The following DLG2 variants were observed in gnomAD, a reference collection of about 807,000 sequenced individuals.
DLG2 encodes disks large homolog 2.
A neutral mutation model predicts 132.5 loss-of-function variants in DLG2; 45 were observed. The observed-to-expected ratio is 0.34, with a 90% CI of 0.27 to 0.44. The LOEUF is 0.44. Among genes scored for constraint, DLG2 ranks in the 20% least tolerant of loss-of-function variants. DLG2 has a pLI of 1.00. For missense variants in DLG2, 1,045 were observed against 1,196.9 expected, an observed-to-expected ratio of 0.87 and a Z score of 1.87; for synonymous variants, 424 against 419.6, an observed-to-expected ratio of 1.01 and a Z score of -0.13.
intron 3 of DLG2, among the ~76,000 whole-genome samples, chr11:85,572,511 GTTTGT>G (rs1203239446): frequency 6.6e-6 from 1 of 152,046 alleles, no homozygotes; most frequent in Admixed American, 6.6e-5. Flanking sequence ...CCTTGTCACA[GTTTGT>G]TTTATTTCCA....
chr11:84,683,812 C>A (rs985060363), intron 6 of DLG2, among the ~76,000 whole-genome samples: 2 of 152,066 alleles, frequency 1.3e-5, no homozygotes, highest in Non-Finnish European at 2.9e-5. Context: ...ATTGCTGAAT[C>A]CAGAAAAAAG....
intron 6 of DLG2, among the ~76,000 whole-genome samples, chr11:85,033,172 G>A (rs1566696093): frequency 1.3e-5 from 2 of 152,110 alleles, no homozygotes; most frequent in African/African-American, 2.4e-5. Flanking sequence ...ATAAAGAGTT[G>A]AAGCTAGTAA....
At chr11:84,960,597 G>A (rs2052410470) in intron 6 of DLG2, among the ~76,000 whole-genome samples, 1 of 151,830 alleles carries the variant, frequency 6.6e-6, no homozygotes, top group East Asian at 1.9e-4. Context: ...CACCATGCCT[G>A]GCTAATTTCT....
At chr11:83,557,793 G>A (rs2096545020) in intron 19 of DLG2, among the ~76,000 whole-genome samples, 1 of 152,122 alleles carries the variant, frequency 6.6e-6, no homozygotes, top group Non-Finnish European at 1.5e-5. Context: ...GTGGTGGGGA[G>A]GAGGATTTCC....
At chr11:83,572,103 T>A (rs2096806245) in intron 19 of DLG2, among the ~76,000 whole-genome samples, 1 of 152,126 alleles carries the variant, frequency 6.6e-6, no homozygotes, top group Non-Finnish European at 1.5e-5. Flanking sequence ...CTTTATATTT[T>A]TCTGTATCCT....
At chr11:84,034,611 T>G (rs1732271663) in intron 11 of DLG2, among the ~76,000 whole-genome samples, 1 of 152,128 alleles carries the variant, frequency 6.6e-6, no homozygotes, top group African/African-American at 2.4e-5. Context: ...TTAGAATGGA[T>G]GAGCAATGTG....
chr11:84,600,506 G>A (rs2099574517), intron 6 of DLG2, among the ~76,000 whole-genome samples: 1 of 152,110 alleles, frequency 6.6e-6, no homozygotes, highest in African/African-American at 2.4e-5. Context: ...TTAAATCCAG[G>A]ATTATTGAGG....
intron 3 of DLG2, among the ~76,000 whole-genome samples, chr11:85,538,860 A>G (rs1219369920): frequency 6.6e-6 from 1 of 151,756 alleles, no homozygotes; most frequent in Non-Finnish European, 1.5e-5. Flanking sequence ...GGGAAGGAGG[A>G]ACATCAGGAT....
At chr11:84,453,818 T>A (rs2099058090) in intron 7 of DLG2, among the ~76,000 whole-genome samples, 1 of 151,572 alleles carries the variant, frequency 6.6e-6, no homozygotes, top group African/African-American at 2.4e-5. Flanking sequence ...TAACCACAAG[T>A]AGGGGCAGAA....
At chr11:85,550,132 C>T (rs2076577585) in intron 3 of DLG2, among the ~76,000 whole-genome samples, 1 of 152,186 alleles carries the variant, frequency 6.6e-6, no homozygotes, top group African/African-American at 2.4e-5. Flanking sequence ...CTAATCAATT[C>T]GTTCATGTAA....
chr11:84,745,398 C>T (rs1208801878), intron 6 of DLG2, among the ~76,000 whole-genome samples: 1 of 152,120 alleles, frequency 6.6e-6, no homozygotes, highest in African/African-American at 2.4e-5. Flanking sequence ...CCTGGTCTGG[C>T]CATATGACAT....
At chr11:84,852,525 G>C (rs993659180) in intron 6 of DLG2, among the ~76,000 whole-genome samples, 2 of 152,020 alleles carry the variant, frequency 1.3e-5, no homozygotes, top group Non-Finnish European at 2.9e-5. Context: ...GTCAGAATTT[G>C]TGGTATGCGT....
At chr11:85,545,401 T>A (rs1052146159) in intron 3 of DLG2, among the ~76,000 whole-genome samples, 1 of 152,216 alleles carries the variant, frequency 6.6e-6, no homozygotes, top group Non-Finnish European at 1.5e-5. Context: ...AGTATTTTAT[T>A]GAGGATTTTC....
Position 83,833,786 on chromosome 11 carries a change from G to C in DLG2, c.1566-16C>G, listed in dbSNP as rs779848490. 2 of 1,612,580 alleles carry C rather than the reference G, an allele frequency of 1.2e-6. No individual in the cohort carries two copies. The highest frequency in any genetic ancestry group is 1.7e-6 in the Non-Finnish European group (2 of 1,179,210). ...GCGAGGCTCTCTGCAGAAAGAAATA[G>C]AGAACACAGCTCAGAGGGTGATCCA... is the stretch of plus-strand genomic sequence containing the variant. On this transcript the variant is annotated splice_polypyrimidine_tract_variant and intron_variant, in intron 16 of 27. Coordinates refer to ENST00000376104, the MANE Select transcript of DLG2 (RefSeq NM_001142699.3).
intron 4 of DLG2, among the ~76,000 whole-genome samples, chr11:85,280,850 T>G (rs1216686188): frequency 1.3e-5 from 2 of 152,048 alleles, no homozygotes; most frequent in South Asian, 2.1e-4. Context: ...GAATAGATGC[T>G]TCTTTTAAAA....
chr11:85,274,965 T>G (rs1342769184), intron 4 of DLG2, among the ~76,000 whole-genome samples: 2 of 152,172 alleles, frequency 1.3e-5, no homozygotes, highest in Non-Finnish European at 2.9e-5. Flanking sequence ...AGCTCATACT[T>G]TGTTGAACTT....
chr11:84,231,210 T>G (rs1183436772), intron 8 of DLG2, among the ~76,000 whole-genome samples: 1 of 152,200 alleles, frequency 6.6e-6, no homozygotes, highest in Non-Finnish European at 1.5e-5. Flanking sequence ...AGCAGCTATT[T>G]GAACCATTAG....
chr11:83,795,574 A>AG (rs1455850853), intron 17 of DLG2, among the ~76,000 whole-genome samples: 2 of 152,018 alleles, frequency 1.3e-5, no homozygotes, highest in Non-Finnish European at 2.9e-5. Context: ...GTTGACTTCT[A>AG]GTTGTGTTGC....
intron 6 of DLG2, among the ~76,000 whole-genome samples, chr11:85,003,134 G>T (rs928571080): frequency 6.6e-6 from 1 of 151,684 alleles, no homozygotes; most frequent in Non-Finnish European, 1.5e-5. Flanking sequence ...ATTTTTCAAG[G>T]GTCAAGTATA....
Sources: allele counts gnomAD v4.1 joint callset (sites outside exome capture counted in the v4.1 genomes callset), GRCh38; gene constraint gnomAD v4.1.1; transcripts MANE v1.5; gene names NCBI Gene and HGNC (gene_info 2026-07-23, HGNC 2026-07-21).